Variants in INTS4 observed in about 807,000 individuals in gnomAD.
The protein encoded by INTS4 is integrator complex subunit 4, also known as MSTP093.
In INTS4, 70 loss-of-function variants were observed where a neutral mutation model predicts 119.5. That is an observed-to-expected ratio of 0.59 (90% CI 0.48 to 0.71). INTS4 has a LOEUF of 0.71. INTS4 is among the 30% of genes least tolerant of loss of function. INTS4 has a pLI of 0.00. For synonymous variants in INTS4, 316 were observed against 419.6 expected (o/e 0.75, Z 3.02); for missense variants, 867 against 1,173.2 (o/e 0.74, Z 3.81).
At chr11:77,932,633 T>A (rs1953680032) in intron 10 of INTS4, among the ~76,000 whole-genome samples, 1 of 152,168 alleles carries the variant, frequency 6.6e-6, no homozygotes, top group Admixed American at 6.5e-5. Context: ...TTATAAATCA[T>A]TCTACTATAA....
chr11:77,876,611 AC>A (rs1951601662), downstream of INTS4, among the ~76,000 whole-genome samples: 1 of 152,140 alleles, frequency 6.6e-6, no homozygotes, highest in South Asian at 2.1e-4. Flanking sequence ...AGAATTCTAT[AC>A]CCCCTAGTAC....
intron 2 of INTS4, among the ~76,000 whole-genome samples, chr11:77,988,689 A>G (rs1856550148): frequency 6.6e-6 from 1 of 152,226 alleles, no homozygotes; most frequent in South Asian, 2.1e-4. Context: ...CACCATTTAT[A>G]ACATAGTCTT....
intron 2 of INTS4, among the ~76,000 whole-genome samples, chr11:77,982,972 T>A (rs1565291088): frequency 6.6e-6 from 1 of 152,202 alleles, no homozygotes; most frequent in Non-Finnish European, 1.5e-5. Flanking sequence ...ATTATGCACA[T>A]AACTTTAGAA....
chr11:77,917,355 C>T (rs1370377631), intron 15 of INTS4, among the ~76,000 whole-genome samples: 2 of 151,372 alleles, frequency 1.3e-5, no homozygotes, highest in Non-Finnish European at 2.9e-5. Flanking sequence ...ACTCTGTTGC[C>T]CAGACTGGAG....
intron 15 of INTS4, chr11:77,917,953 T>G: frequency 1.5e-6 from 1 of 656,628 alleles, no homozygotes; most frequent in Non-Finnish European, 2.8e-6. Flanking sequence ...TAAGTTCTAG[T>G]CAATGGAATG....
chr11:77,912,440 C>G (rs1031473173), intron 15 of INTS4, among the ~76,000 whole-genome samples: 2 of 151,842 alleles, frequency 1.3e-5, no homozygotes, highest in African/African-American at 4.8e-5. Flanking sequence ...CAGTTCCTCC[C>G]AGGAACACAC....
At chr11:77,981,438 A>G (rs1392485721) in intron 3 of INTS4, 21 bp downstream of exon 3, 3 of 1,232,174 alleles carry the variant, frequency 2.4e-6, no homozygotes, top group Non-Finnish European at 3.4e-6. Context: ...CTGACTATAG[A>G]GCTTTTAAAT....
At chr11:77,926,441 G>A (rs920701087) in intron 11 of INTS4, among the ~76,000 whole-genome samples, 1 of 152,126 alleles carries the variant, frequency 6.6e-6, no homozygotes, top group Non-Finnish European at 1.5e-5. Context: ...TTGGAACATA[G>A]CTCAGCTACT....
chr11:77,908,134 A>G (rs1378426401), intron 15 of INTS4, among the ~76,000 whole-genome samples: 2 of 152,210 alleles, frequency 1.3e-5, no homozygotes, highest in African/African-American at 4.8e-5. Flanking sequence ...GGGTCATAAT[A>G]TTCATTGTTA....
chr11:77,956,845 T>C (rs930906979), intron 7 of INTS4, among the ~76,000 whole-genome samples: 5 of 151,992 alleles, frequency 3.3e-5, no homozygotes, highest in East Asian at 3.9e-4. Flanking sequence ...AAAATGATAA[T>C]TGAATAGTTC....
intron 10 of INTS4, among the ~76,000 whole-genome samples, chr11:77,937,561 T>C (rs185801375): frequency 5.7e-4 from 86 of 152,084 alleles, no homozygotes; most frequent in African/African-American, 2.0e-3. Context: ...TTGGACAATA[T>C]AGGGAGGCCC....
rs142833123 is a variant in INTS4, at chr11:77,907,644, C to T, written c.2016+73G>A. 14 of 1,025,960 alleles carry T rather than the reference C, an allele frequency of 1.4e-5. No individual in the cohort carries two copies. The African/African-American group carries it at 1.7e-4, about 13-fold the overall frequency. The allele number at this position is 1,025,960 out of a possible 1,614,324, so 63.6% of individuals were successfully genotyped here. A position where few individuals can be genotyped will look rare whatever the true frequency, so the allele number is the denominator to read the frequency against. On this transcript the variant is annotated intron_variant, in intron 16 of 22. Coordinates refer to ENST00000534064, the MANE Select transcript of INTS4 (RefSeq NM_033547.4). Reference sequence around the variant, plus strand: ...AGACCATAAGTTTTATAACTTATGGCCTCACACACTGCTGGATCCACAAAG... The same window carrying T: ...AGACCATAAGTTTTATAACTTATGGTCTCACACACTGCTGGATCCACAAAG...
At chr11:77,938,568 G>A (rs1052187040) in intron 10 of INTS4, 83 bp downstream of exon 10, 5 of 1,514,104 alleles carry the variant, frequency 3.3e-6, no homozygotes, top group South Asian at 2.7e-5. Flanking sequence ...TAAATGAAAC[G>A]ATACATGTGT....
At position 77,979,203 on chromosome 11, in the gene INTS4, A is replaced by C. The variant is rs561153203; in HGVS notation, c.365-101T>G. Reference sequence around the variant, plus strand: ...GAATGTAGATTGGCTAGGCGCAGTGACTCACAACTGTAATCCCAGCACTTT... The same window carrying C: ...GAATGTAGATTGGCTAGGCGCAGTGCCTCACAACTGTAATCCCAGCACTTT... On this transcript the variant is annotated intron_variant, in intron 3 of 22. Coordinates refer to ENST00000534064, the MANE Select transcript of INTS4 (RefSeq NM_033547.4). 4.7e-6 allele frequency: 3 copies of C among 645,110 alleles called. No individual in the cohort carries two copies. In the South Asian group the frequency reaches 4.7e-5, roughly 10 times the overall value. 40.0% of individuals were successfully genotyped at this position (645,110 alleles called of 1,614,324 possible). A position where few individuals can be genotyped will look rare whatever the true frequency, so the allele number is the denominator to read the frequency against.
chr11:77,888,278 C>A (rs1481284488), intron 21 of INTS4, among the ~76,000 whole-genome samples: 2 of 152,210 alleles, frequency 1.3e-5, no homozygotes, highest in Non-Finnish European at 2.9e-5. Context: ...CACATATCTA[C>A]AACCATCTGA....
At chr11:77,990,198 A>G (rs1485989896) in intron 2 of INTS4, among the ~76,000 whole-genome samples, 2 of 142,166 alleles carry the variant, frequency 1.4e-5, no homozygotes, top group Non-Finnish European at 3.0e-5. Context: ...CTCCAGGCTG[A>G]GTGACAGACC....
intron 4 of INTS4, among the ~76,000 whole-genome samples, chr11:77,968,501 TG>T (rs1855585307): frequency 6.6e-6 from 1 of 152,062 alleles, no homozygotes; most frequent in African/African-American, 2.4e-5. Context: ...GATGGGGACA[TG>T]GGGAGTTATT....
intron 12 of INTS4, among the ~76,000 whole-genome samples, chr11:77,924,049 G>A (rs1953433288): frequency 2.7e-5 from 4 of 150,716 alleles, no homozygotes; most frequent in Admixed American, 6.6e-5. Context: ...ATAGGCGTGA[G>A]CCACTGCACC....
At chr11:77,921,532 A>C in intron 13 of INTS4, 59 bp from the exon 14 acceptor site, 1 of 1,140,516 alleles carries the variant, frequency 8.8e-7, no homozygotes, top group Non-Finnish European at 1.3e-6. Context: ...AGATTCTGGC[A>C]CTCTCACTTT....
Sources: gnomAD v4.1 joint callset for allele counts (sites outside exome capture counted in the v4.1 genomes callset) on GRCh38, gnomAD v4.1.1 for gene constraint, MANE v1.5 for transcripts, NCBI Gene and HGNC (gene_info 2026-07-23, HGNC 2026-07-21) for gene names.